CHSY1: variants seen among roughly 807,000 people sequenced by gnomAD.
CHSY1 encodes chondroitin sulfate synthase 1, also known as N-acetylgalactosaminyl-proteoglycan 3-beta-glucuronosyltransferase 1.
A neutral mutation model predicts 59.8 loss-of-function variants in CHSY1; 13 were observed. The ratio of observed to expected loss-of-function variants is 0.22; its 90% confidence interval spans 0.14 to 0.35. The LOEUF (loss-of-function observed/expected upper bound fraction) is 0.35. CHSY1 is among the 10% of genes least tolerant of loss of function. The pLI is 1.00. For synonymous variants in CHSY1, 459 were observed against 401.2 expected (o/e 1.14, Z -1.72); for missense variants, 947 against 1,030.6 (o/e 0.92, Z 1.11).
intron 2 of CHSY1, among the ~76,000 whole-genome samples, chr15:101,205,820 G>A (rs1040645672): frequency 3.9e-5 from 6 of 152,106 alleles, no homozygotes; most frequent in African/African-American, 7.2e-5. Flanking sequence ...GCGTGGTGGT[G>A]GGCGCCCGTA....
rs192318572 is a variant in CHSY1 at position 101,181,430 on chromosome 15, C to A, written c.817-2450G>T. Among the ~76,000 whole-genome samples the A allele has an allele frequency of 2.0e-5, 3 of 152,322 alleles. No individual in the cohort carries two copies. The East Asian group carries it at 5.8e-4, about 29-fold the overall frequency. On this transcript the variant is annotated intron_variant, in intron 2 of 2. Transcript: ENST00000254190. ...AACCATAATATCGTTTGTGGAAGGT[C>A]TCTCCATTTCCAAGAGTGTAAACAC... is the stretch of plus-strand genomic sequence containing the variant.
chr15:101,222,312 C>T (rs2038797505), intron 2 of CHSY1, among the ~76,000 whole-genome samples: 1 of 152,146 alleles, frequency 6.6e-6, no homozygotes, highest in Non-Finnish European at 1.5e-5. Flanking sequence ...ATTTTTGTGT[C>T]CAATTATCTC....
intron 2 of CHSY1, chr15:101,188,120 T>C (rs1282450365): frequency 1.0e-6 from 1 of 985,364 alleles, no homozygotes; most frequent in Non-Finnish European, 1.2e-6. Flanking sequence ...CGGTTCAGCC[T>C]CAGCTACAGA....
At chr15:101,233,241 G>C (rs1177067834) in intron 2 of CHSY1, among the ~76,000 whole-genome samples, 1 of 152,144 alleles carries the variant, frequency 6.6e-6, no homozygotes, top group Non-Finnish European at 1.5e-5. Flanking sequence ...CTACCTCTTG[G>C]CACTAACGCT....
At chr15:101,233,267 A>G (rs2038908566) in intron 2 of CHSY1, among the ~76,000 whole-genome samples, 1 of 152,168 alleles carries the variant, frequency 6.6e-6, no homozygotes, top group Non-Finnish European at 1.5e-5. Context: ...CAAGTTCTTG[A>G]TCAAACTCAA....
chr15:101,220,646 T>C (rs577204820), intron 2 of CHSY1, among the ~76,000 whole-genome samples: 5 of 152,194 alleles, frequency 3.3e-5, no homozygotes, highest in Admixed American at 2.0e-4. Flanking sequence ...CCTCTGGAAA[T>C]GGAGGCTCGT....
intron 2 of CHSY1, among the ~76,000 whole-genome samples, chr15:101,190,535 C>T (rs907084932): frequency 5.3e-5 from 8 of 152,164 alleles, no homozygotes; most frequent in Non-Finnish European, 1.0e-4. Context: ...AGGAGAAAAT[C>T]TAGACAACCT....
At chr15:101,224,968 G>A (rs1020089589) in intron 2 of CHSY1, among the ~76,000 whole-genome samples, 1 of 152,184 alleles carries the variant, frequency 6.6e-6, no homozygotes, top group Non-Finnish European at 1.5e-5. Context: ...TGATTGGTTG[G>A]AACAGTCCAG....
chr15:101,178,688 C>T lies in CHSY1; in HGVS notation c.1109G>A (p.Arg370Gln), dbSNP rs769801559. The T allele has an allele frequency of 5.0e-6, 8 of 1,614,128 alleles. No individual in the cohort carries two copies. Among genetic ancestry groups the T allele is most frequent in the South Asian group, 2.2e-5 (2 of 91,096 alleles). ...PSFMRFQPRQ[R>Q]EEILEWEFLT... ...AAACTCCCATTCCAGAATCTCCTCT[C>T]GCTGGCGGGGCTGAAACCTCATGAA... The change falls in exon 3 of 3, where the codon CGA becomes CAA. Residue 370 changes from arginine (R) to glutamine (Q), a missense_variant. By Grantham distance (43) the Arg-to-Gln change is conservative (BLOSUM62 1). This residue lies in a region of CHSY1 where 602 missense variants were observed against 676.9 expected (regional missense o/e 0.89). Coordinates refer to ENST00000254190, the MANE Select transcript of CHSY1 (RefSeq NM_014918.5).
intron 2 of CHSY1, among the ~76,000 whole-genome samples, chr15:101,201,753 C>T (rs2141254435): frequency 6.6e-6 from 1 of 152,326 alleles, no homozygotes; most frequent in African/African-American, 2.4e-5. Flanking sequence ...GCCCTTCTTT[C>T]ATTCCAGCCA....
chr15:101,234,798 C>T (rs570536286), intron 2 of CHSY1, among the ~76,000 whole-genome samples: 3 of 152,130 alleles, frequency 2.0e-5, no homozygotes, highest in Admixed American at 6.5e-5. Context: ...ACCCAGGAGG[C>T]GGAGGTTAAA....
intron 2 of CHSY1, among the ~76,000 whole-genome samples, chr15:101,213,040 T>C (rs940819760): frequency 6.6e-6 from 1 of 152,086 alleles, no homozygotes; most frequent in African/African-American, 2.4e-5. Context: ...ATGAAGAAAT[T>C]ATCAATAGAA....
intron 2 of CHSY1, among the ~76,000 whole-genome samples, chr15:101,193,936 C>G (rs2038476904): frequency 6.6e-6 from 1 of 152,240 alleles, no homozygotes; most frequent in Non-Finnish European, 1.5e-5. Flanking sequence ...CAGAGGGCAC[C>G]AGCAAGGGTA....
At chr15:101,211,879 C>A (rs2038686008) in intron 2 of CHSY1, among the ~76,000 whole-genome samples, 1 of 151,526 alleles carries the variant, frequency 6.6e-6, no homozygotes, top group Non-Finnish European at 1.5e-5. Context: ...AAACAAAAAA[C>A]CCCTGCCAAT....
intron 2 of CHSY1, among the ~76,000 whole-genome samples, chr15:101,209,557 T>G (rs959245182): frequency 2.0e-5 from 3 of 152,100 alleles, no homozygotes; most frequent in Non-Finnish European, 4.4e-5. Flanking sequence ...AATTGTGATA[T>G]GAATTCAATA....
In CHSY1 at chr15:101,212,688, T is replaced by A. The variant is rs1197490977; in HGVS notation, c.816+22394A>T. The stretch of plus-strand genomic sequence containing the variant: ...CTTACAAGGAGTCTGGGTTACTACA[T>A]GTGTATGCACTTATCAAAACTAGGT... On this transcript the variant is annotated intron_variant, in intron 2 of 2. Coordinates refer to ENST00000254190, the MANE Select transcript of CHSY1 (RefSeq NM_014918.5). Among the ~76,000 whole-genome samples, 7 of 152,244 alleles carry A rather than the reference T, an allele frequency of 4.6e-5. No individual in the cohort carries two copies. The South Asian group carries it at 1.4e-3, about 32-fold the overall frequency.
At chr15:101,180,732 G>A (rs2038265944) in intron 2 of CHSY1, among the ~76,000 whole-genome samples, 3 of 152,178 alleles carry the variant, frequency 2.0e-5, no homozygotes, top group Non-Finnish European at 4.4e-5. Context: ...AGCCCTGATG[G>A]GCGGGCCAGA....
At chr15:101,214,890 G>C (rs545514312) in intron 2 of CHSY1, among the ~76,000 whole-genome samples, 60 of 151,586 alleles carry the variant, frequency 4.0e-4, no homozygotes, top group Non-Finnish European at 6.9e-4. Context: ...GGAGGTGGCT[G>C]GATCATGGAG....
intron 2 of CHSY1, among the ~76,000 whole-genome samples, chr15:101,188,493 T>C (rs953277798): frequency 1.3e-5 from 2 of 152,182 alleles, no homozygotes; most frequent in Non-Finnish European, 2.9e-5. Flanking sequence ...CTAATTAGTT[T>C]TGTGTAGGCT....
Sources: gnomAD v4.1 joint callset for allele counts (sites outside exome capture counted in the v4.1 genomes callset) on GRCh38, gnomAD v4.1.1 for gene constraint, gnomAD v4.1.1 regional missense constraint, MANE v1.5 for transcripts, NCBI Gene and HGNC (gene_info 2026-07-23, HGNC 2026-07-21) for gene names.